IGSF11: variants seen among roughly 807,000 people sequenced by gnomAD.
IGSF11 encodes the protein immunoglobulin superfamily member 11.
A neutral mutation model predicts 41.0 loss-of-function variants in IGSF11; 22 were observed. The ratio of observed to expected loss-of-function variants is 0.54; its 90% CI spans 0.38 to 0.77. The LOEUF (loss-of-function observed/expected upper bound fraction) is 0.77, where lower values mean the gene tolerates loss of function less well. Ranked by LOEUF, IGSF11 falls within the 30% of genes least tolerant of loss-of-function variation. The probability of loss-of-function intolerance (pLI) is 0.00; values close to 1 mark genes in which losing one functional copy is unlikely to be tolerated. For synonymous variants in IGSF11, 219 were observed against 201.3 expected, an observed-to-expected ratio of 1.09 and a Z score of -0.74; for missense variants, 444 against 530.8, an observed-to-expected ratio of 0.84 and a Z score of 1.61.
At chr3:118,912,084 T>G (rs1335638046) in intron 4 of IGSF11, among the ~76,000 whole-genome samples, 1 of 152,196 alleles carries the variant, frequency 6.6e-6, no homozygotes, top group Non-Finnish European at 1.5e-5. Flanking sequence ...TGAAAATAAA[T>G]ACACTATACT....
intron 2 of IGSF11, among the ~76,000 whole-genome samples, chr3:118,929,706 T>A (rs1328532753): frequency 1.3e-5 from 2 of 152,208 alleles, no homozygotes; most frequent in South Asian, 2.1e-4. Flanking sequence ...TAGTCATGTT[T>A]TACTTTAAAA....
Position 119,112,126 on chromosome 3 carries a change from G to C in IGSF11, c.-13-6921C>G, listed in dbSNP as rs921281466. ...GAGAACCACTGCTCTCTTCAAAGCTGTCAGACAGGGACATTTAAGACTGCA... is the reference window on the plus strand; with the variant it reads ...GAGAACCACTGCTCTCTTCAAAGCTCTCAGACAGGGACATTTAAGACTGCA... On this transcript the variant is annotated intron_variant, in intron 1 of 7. Transcript: ENST00000425327. Among the ~76,000 whole-genome samples the C allele has an allele frequency of 3.3e-5, 5 of 152,358 alleles. 1 individual carries two copies. Among genetic ancestry groups the C allele is most frequent in the East Asian group, 3.9e-4 (2 of 5,188 alleles).
At chr3:119,142,877 T>G (rs2077668377) in intron 1 of IGSF11, among the ~76,000 whole-genome samples, 1 of 152,138 alleles carries the variant, frequency 6.6e-6, no homozygotes, top group African/African-American at 2.4e-5. Flanking sequence ...TCCTCACATA[T>G]TAAGATACTG....
In IGSF11 at chr3:118,902,922, T is replaced by C. The variant is rs749138669; in HGVS notation, c.894A>G (p.Ala298=). The C allele has an allele frequency of 1.2e-6, 2 of 1,614,036 alleles. No homozygotes were observed. Among genetic ancestry groups the C allele is most frequent in the South Asian group, 1.1e-5 (1 of 91,078 alleles). ...DLPPKCSSAK[A]FHTEISSSDN... Reference sequence around the variant, plus strand: ...CCGAGGAGGAAATCTCAGTGTGAAATGCTTTGGCAGAAGAACACTTGGGTG... The same window carrying C: ...CCGAGGAGGAAATCTCAGTGTGAAACGCTTTGGCAGAAGAACACTTGGGTG... Residue 298 remains alanine (A), a synonymous_variant, in exon 7 of 7, where the codon GCA becomes GCG. Coordinates refer to ENST00000393775, the MANE Select transcript of IGSF11 (RefSeq NM_001015887.3).
chr3:118,975,905 T>G lies in IGSF11; in HGVS notation c.53-45630A>C, dbSNP rs1228962786. Reference sequence around the variant, plus strand: ...GGAAGTCAAGGGCTGAAAAACTACCTATTGAGTACTATGCTCACTACCTGG... The same window carrying G: ...GGAAGTCAAGGGCTGAAAAACTACCGATTGAGTACTATGCTCACTACCTGG... On this transcript the variant is annotated intron_variant, in intron 1 of 6. Transcript: ENST00000393775. Among the ~76,000 whole-genome samples, 7 of 152,234 alleles carry G rather than the reference T, an allele frequency of 4.6e-5. No individual in the cohort carries two copies. In the South Asian group the frequency reaches 1.5e-3, roughly 32 times the overall value.
chr3:118,952,973 ATTTGT>A (rs1944680403), intron 1 of IGSF11, among the ~76,000 whole-genome samples: 2 of 152,000 alleles, frequency 1.3e-5, no homozygotes, highest in East Asian at 3.9e-4. Context: ...TTTAGTGGTG[ATTTGT>A]GAGATTTTGG....
intron 1 of IGSF11, among the ~76,000 whole-genome samples, chr3:119,074,455 T>G (rs1641401526): frequency 6.6e-6 from 1 of 151,858 alleles, no homozygotes. Context: ...AACAAATTCT[T>G]TGAAAATAAT....
In IGSF11 at chr3:119,006,264, G is replaced by C. The variant is rs1238685305; in HGVS notation, c.52+28267C>G. Among the ~76,000 whole-genome samples, 5 of 118,138 alleles carry C rather than the reference G, an allele frequency of 4.2e-5. No individual in the cohort carries two copies. The East Asian group carries it at 1.1e-3, about 27-fold the overall frequency. The allele number at this position is 118,138 out of a possible 152,430, so 77.5% of individuals were successfully genotyped here. ...CTTCCAGTTGATCGCATCGGCTCCT[G>C]AGGCTTCTGCATTCTTCACGTAGTT... On this transcript the variant is annotated intron_variant, in intron 1 of 6. Coordinates refer to ENST00000393775, the MANE Select transcript of IGSF11 (RefSeq NM_001015887.3).
chr3:118,942,714 T>C (rs1300170392), intron 1 of IGSF11, among the ~76,000 whole-genome samples: 1 of 152,218 alleles, frequency 6.6e-6, no homozygotes, highest in East Asian at 1.9e-4. Flanking sequence ...TTCTCCTTCT[T>C]CTCTCCTACC....
At chr3:119,069,101 G>A (rs1942323984) in intron 1 of IGSF11, among the ~76,000 whole-genome samples, 1 of 151,356 alleles carries the variant, frequency 6.6e-6, no homozygotes, top group Non-Finnish European at 1.5e-5. Flanking sequence ...TAATTTTTTT[G>A]TATTTTTAGT....
chr3:119,023,819 AG>A (rs1225547670), intron 1 of IGSF11, among the ~76,000 whole-genome samples: 4 of 152,212 alleles, frequency 2.6e-5, no homozygotes, highest in Non-Finnish European at 5.9e-5. Flanking sequence ...AGAACTCAAA[AG>A]GAAGTGCTGA....
In IGSF11 at chr3:118,930,199, G is replaced by A. The variant is rs1942727770; in HGVS notation, c.129C>T (p.Pro43=). 2 of 1,613,930 alleles carry A rather than the reference G, an allele frequency of 1.2e-6. No individual in the cohort carries two copies. The highest frequency in any genetic ancestry group is 2.2e-5 in the South Asian group (2 of 91,076). ...GGGCAGCGCTGGTAGTGAAAGTGCAGGGCAGGACTGCTGGCTGACCCCGGG... is the reference window on the plus strand; with the variant it reads ...GGGCAGCGCTGGTAGTGAAAGTGCAAGGCAGGACTGCTGGCTGACCCCGGG... The part of the protein sequence containing the change: ...QVARGQPAVL[P]CTFTTSAALI... Residue 43 remains proline, a synonymous_variant, in exon 2 of 7, where the codon CCC becomes CCT. Coordinates refer to ENST00000393775, the MANE Select transcript of IGSF11 (RefSeq NM_001015887.3).
Position 118,984,534 on chromosome 3 carries a change from A to G in IGSF11, c.52+49997T>C, listed in dbSNP as rs80117155. 1.1e-3 allele frequency among the ~76,000 whole-genome samples: 171 copies of G among 152,280 alleles called. 2 individuals are homozygous for G. The highest frequency in any genetic ancestry group is 4.1e-3 in the African/African-American group (170 of 41,566). On this transcript the variant is annotated intron_variant, in intron 1 of 6. Transcript: ENST00000393775. ...GGATGTTTTACCTTAATGGATAGAA[A>G]AAAATAGAAAGAAGGGAAGGAGGAA...
chr3:119,047,081 G>T (rs1294661146), intron 1 of IGSF11, among the ~76,000 whole-genome samples: 1 of 147,670 alleles, frequency 6.8e-6, no homozygotes, highest in Non-Finnish European at 1.5e-5. Context: ...GGAAGAAACT[G>T]CATCAACTAA....
intron 1 of IGSF11, among the ~76,000 whole-genome samples, chr3:118,995,233 A>C (rs1381791810): frequency 3.3e-5 from 5 of 152,194 alleles, no homozygotes; most frequent in African/African-American, 4.8e-5. Flanking sequence ...GGTTTTATTC[A>C]CCTAAGTAAT....
At chr3:119,136,986 T>C (rs1184861071) in intron 1 of IGSF11, among the ~76,000 whole-genome samples, 3 of 152,004 alleles carry the variant, frequency 2.0e-5, no homozygotes, top group Non-Finnish European at 1.5e-5. Flanking sequence ...TTACAATAAC[T>C]AAAAATAAAA....
At chr3:118,939,541 A>G (rs1443934848) in intron 1 of IGSF11, among the ~76,000 whole-genome samples, 1 of 151,222 alleles carries the variant, frequency 6.6e-6, no homozygotes, top group Non-Finnish European at 1.5e-5. Context: ...GTGCCACTGC[A>G]CTCTAGCCTG....
chr3:118,979,089 T>A (rs78958740), intron 1 of IGSF11, among the ~76,000 whole-genome samples: 2 of 151,890 alleles, frequency 1.3e-5, no homozygotes, highest in East Asian at 1.9e-4. Flanking sequence ...GAGATAGATA[T>A]AATAAAAAAG....
intron 1 of IGSF11, among the ~76,000 whole-genome samples, chr3:119,129,984 T>TA (rs1384732288): frequency 1.3e-5 from 2 of 151,852 alleles, no homozygotes; most frequent in African/African-American, 2.4e-5. Context: ...GACTCTGTCT[T>TA]AAAAAAAATT....
Sources: gnomAD v4.1 joint callset for allele counts (sites outside exome capture counted in the v4.1 genomes callset) on GRCh38, gnomAD v4.1.1 for gene constraint, MANE v1.5 for transcripts, NCBI Gene and HGNC (gene_info 2026-07-23, HGNC 2026-07-21) for gene names.